Variants in ME3 observed in about 807,000 individuals in gnomAD.
ME3 encodes malic enzyme 3.
In ME3, 48 loss-of-function variants were observed where a neutral mutation model predicts 68.9. The ratio of observed to expected loss-of-function variants is 0.70; its 90% CI spans 0.55 to 0.89. The LOEUF (loss-of-function observed/expected upper bound fraction) is 0.89, where lower values mean the gene tolerates loss of function less well. Ranked by LOEUF, ME3 falls within the 40% of genes least tolerant of loss-of-function variation. The pLI is 0.00. For synonymous variants in ME3, 320 were observed against 318.8 expected (o/e 1.00, Z -0.04); for missense variants, 675 against 797.4 (o/e 0.85, Z 1.85).
chr11:86,628,531 T>C (rs74995000), intron 2 of ME3, among the ~76,000 whole-genome samples: 1 of 152,204 alleles, frequency 6.6e-6, no homozygotes. Context: ...TAGTATTTTT[T>C]TAAATTTCTC....
intron 7 of ME3, among the ~76,000 whole-genome samples, chr11:86,485,167 G>A (rs1318719668): frequency 1.3e-5 from 2 of 152,146 alleles, no homozygotes; most frequent in African/African-American, 4.8e-5. Flanking sequence ...TCTTTTCCAT[G>A]TAGATACATA....
chr11:86,614,198 C>G (rs1594671705), intron 2 of ME3, among the ~76,000 whole-genome samples: 1 of 152,170 alleles, frequency 6.6e-6, no homozygotes, highest in East Asian at 1.9e-4. Flanking sequence ...GAAGACAGAG[C>G]TTAAATGATT....
chr11:86,639,631 G>T (rs564287819), intron 2 of ME3, among the ~76,000 whole-genome samples: 1 of 152,280 alleles, frequency 6.6e-6, no homozygotes, highest in East Asian at 1.9e-4. Flanking sequence ...TCTCAGATGA[G>T]AAAATCACTC....
intron 2 of ME3, among the ~76,000 whole-genome samples, chr11:86,596,824 T>C (rs530784114): frequency 5.8e-4 from 88 of 152,358 alleles, no homozygotes; most frequent in Middle Eastern, 3.4e-3. Flanking sequence ...CTGCTCTCCT[T>C]TTCTGTAATT....
At chr11:86,540,002 T>A (rs553560789) in intron 4 of ME3, among the ~76,000 whole-genome samples, 2 of 152,362 alleles carry the variant, frequency 1.3e-5, no homozygotes, top group Admixed American at 6.5e-5. Flanking sequence ...ACGTATCTGA[T>A]AGCAATAACT....
intron 4 of ME3, among the ~76,000 whole-genome samples, chr11:86,535,286 T>A (rs770923413): frequency 6.6e-6 from 1 of 152,152 alleles, no homozygotes. Flanking sequence ...AGTAAAAATG[T>A]TACCATGCCA....
chr11:86,568,781 C>G (rs141301048), intron 2 of ME3, among the ~76,000 whole-genome samples: 112 of 152,322 alleles, frequency 7.4e-4, no homozygotes, highest in Middle Eastern at 3.4e-3. Flanking sequence ...ACCCAGAGCC[C>G]TACTGTGTAC....
chr11:86,508,285 C>G (rs1360449450), intron 5 of ME3, among the ~76,000 whole-genome samples: 1 of 152,184 alleles, frequency 6.6e-6, no homozygotes, highest in Non-Finnish European at 1.5e-5. Context: ...ATTCAAGGCC[C>G]AGCTCCACTG....
chr11:86,635,165 C>T (rs1410963565), intron 2 of ME3, among the ~76,000 whole-genome samples: 1 of 152,200 alleles, frequency 6.6e-6, no homozygotes, highest in Non-Finnish European at 1.5e-5. Context: ...GTAGTGCACA[C>T]CTGTAGTCAC....
chr11:86,535,377 C>G (rs1483142564), intron 4 of ME3, among the ~76,000 whole-genome samples: 1 of 152,130 alleles, frequency 6.6e-6, no homozygotes, highest in Non-Finnish European at 1.5e-5. Flanking sequence ...CAGCAGCAGG[C>G]CAGGGCAATC....
downstream of ME3, among the ~76,000 whole-genome samples, chr11:86,439,996 C>A (rs997488683): frequency 1.3e-5 from 2 of 152,100 alleles, no homozygotes; most frequent in Non-Finnish European, 2.9e-5. Context: ...AGCACCAGCA[C>A]CAAGGAAGCA....
At chr11:86,575,927 T>G (rs772775144) in intron 2 of ME3, among the ~76,000 whole-genome samples, 1 of 152,160 alleles carries the variant, frequency 6.6e-6, no homozygotes, top group Non-Finnish European at 1.5e-5. Context: ...AGTGTGAAAT[T>G]GTGAATAAGA....
intron 2 of ME3, among the ~76,000 whole-genome samples, chr11:86,645,936 T>G (rs1279578584): frequency 6.6e-6 from 1 of 151,974 alleles, no homozygotes; most frequent in Non-Finnish European, 1.5e-5. Flanking sequence ...TCCAGCAAAC[T>G]CCAGCAGACC....
In ME3 at chr11:86,560,704, ATGTGTGTGTGTGTGTGTGTGTATGTG is replaced by A. The variant is rs1262611398; in HGVS notation, c.184-907_184-882del. ...TAGATAAATATATGTATATAATGAT[ATGTGTGTGTGTGTGTGTGTGTATGTG>A]TGTGTGTGTGTGTGTGTGTATATAT... On this transcript the variant is annotated intron_variant, in intron 2 of 14. Transcript: ENST00000543262. Among the ~76,000 whole-genome samples, 3 of 101,610 alleles carry A rather than the reference ATGTGTGTGTGTGTGTGTGTGTATGTG, an allele frequency of 3.0e-5. No individual in the cohort carries two copies. The Admixed American group carries it at 3.2e-4, about 11-fold the overall frequency. The allele number at this position is 101,610 out of a possible 152,430, so 66.7% of individuals were successfully genotyped here. A position where few individuals can be genotyped will look rare whatever the true frequency, so the allele number is the denominator to read the frequency against.
intron 6 of ME3, among the ~76,000 whole-genome samples, chr11:86,493,693 G>A (rs1454426123): frequency 6.6e-6 from 1 of 152,170 alleles, no homozygotes; most frequent in Non-Finnish European, 1.5e-5. Context: ...CTTCTTCATG[G>A]GATCATGGCG....
chr11:86,542,809 C>T (rs1205701692), intron 4 of ME3, among the ~76,000 whole-genome samples: 1 of 152,120 alleles, frequency 6.6e-6, no homozygotes, highest in Non-Finnish European at 1.5e-5. Flanking sequence ...TAGAACACCA[C>T]AAAGATACAC....
At chr11:86,657,914 C>G (rs1946013482) in intron 2 of ME3, among the ~76,000 whole-genome samples, 1 of 152,042 alleles carries the variant, frequency 6.6e-6, no homozygotes, top group South Asian at 2.1e-4. Context: ...GATGGATGGA[C>G]AGGGATTCAG....
chr11:86,508,055 T>G (rs886331938), intron 5 of ME3, among the ~76,000 whole-genome samples: 24 of 152,184 alleles, frequency 1.6e-4, no homozygotes, highest in African/African-American at 5.6e-4. Flanking sequence ...TCTTCTTAAA[T>G]TTTTGAGTAA....
chr11:86,464,447 G>A (rs1950377034), intron 8 of ME3, among the ~76,000 whole-genome samples: 2 of 152,134 alleles, frequency 1.3e-5, no homozygotes, highest in Admixed American at 1.3e-4. Flanking sequence ...AAGGGAACCT[G>A]AACTAGAAGC....
Sources: gnomAD v4.1 joint callset for allele counts (sites outside exome capture counted in the v4.1 genomes callset) on GRCh38, gnomAD v4.1.1 for gene constraint, MANE v1.5 for transcripts, NCBI Gene and HGNC (gene_info 2026-07-23, HGNC 2026-07-21) for gene names.